The following GRID2 variants were observed in gnomAD, a reference collection of about 807,000 sequenced individuals.
GRID2 encodes glutamate receptor ionotropic, delta-2.
Under a neutral mutation model 114.8 loss-of-function variants are expected in GRID2, and 33 were observed. The ratio of observed to expected loss-of-function variants is 0.29; its 90% CI spans 0.22 to 0.38. The LOEUF (loss-of-function observed/expected upper bound fraction) is 0.38, where lower values mean the gene tolerates loss of function less well. GRID2 is among the 10% of genes least tolerant of loss of function. GRID2 has a pLI of 1.00. For synonymous variants in GRID2, 505 were observed against 449.9 expected, an observed-to-expected ratio of 1.12 and a Z score of -1.55; for missense variants, 1,184 against 1,257.7, an observed-to-expected ratio of 0.94 and a Z score of 0.89.
chr4:92,441,704 G>A (rs1307142914), intron 1 of GRID2, among the ~76,000 whole-genome samples: 1 of 151,378 alleles, frequency 6.6e-6, no homozygotes, highest in East Asian at 2.0e-4. Flanking sequence ...GCTGAGGGAT[G>A]GGATATTGGC....
At chr4:93,483,235 C>T (rs1478502777) in intron 11 of GRID2, among the ~76,000 whole-genome samples, 1 of 151,954 alleles carries the variant, frequency 6.6e-6, no homozygotes, top group Non-Finnish European at 1.5e-5. Context: ...GATCAGCTTA[C>T]ATGAACTATT....
intron 8 of GRID2, among the ~76,000 whole-genome samples, chr4:93,253,491 C>A (rs1416952796): frequency 6.6e-6 from 1 of 151,904 alleles, no homozygotes; most frequent in Admixed American, 6.6e-5. Context: ...AAATAATGTA[C>A]AGTTAAAGAT....
chr4:93,061,480 A>G (rs1365853713), intron 2 of GRID2, among the ~76,000 whole-genome samples: 1 of 152,076 alleles, frequency 6.6e-6, no homozygotes, highest in Non-Finnish European at 1.5e-5. Flanking sequence ...TGGATAGAAA[A>G]ATAAACTCCA....
At chr4:92,497,740 C>T (rs1019557281) in intron 1 of GRID2, among the ~76,000 whole-genome samples, 1 of 151,866 alleles carries the variant, frequency 6.6e-6, no homozygotes, top group African/African-American at 2.4e-5. Context: ...TCCAGCTTTG[C>T]TTCCAGCACA....
At position 93,332,267 on chromosome 4, in the gene GRID2, C is replaced by CGT. The variant is rs1234388137; in HGVS notation, c.1246-63308_1246-63307dup. Among the ~76,000 whole-genome samples, 482 of 133,984 alleles carry CGT rather than the reference C, an allele frequency of 3.6e-3. 5 individuals are homozygous for CGT. The highest frequency in any genetic ancestry group is 4.9e-3 in the East Asian group (22 of 4,534). 87.9% of individuals were successfully genotyped at this position (133,984 alleles called of 152,430 possible). ...CAGAAAAAGAGTGTGTGTGTGTGTGCGTGTGTGTGTGTGTGTGTGTGTGTG... is the reference window on the plus strand; with the variant it reads ...CAGAAAAAGAGTGTGTGTGTGTGTGCGTGTGTGTGTGTGTGTGTGTGTGTGTG... On this transcript the variant is annotated intron_variant, in intron 8 of 15. Transcript: ENST00000282020.
At chr4:92,704,056 C>G (rs1221351629) in intron 2 of GRID2, among the ~76,000 whole-genome samples, 1 of 152,074 alleles carries the variant, frequency 6.6e-6, no homozygotes, top group Non-Finnish European at 1.5e-5. Context: ...GCGGATAGAT[C>G]ACGAGGTCAG....
chr4:93,417,151 C>T (rs1228450014), intron 9 of GRID2, among the ~76,000 whole-genome samples: 1 of 152,088 alleles, frequency 6.6e-6, no homozygotes, highest in African/African-American at 2.4e-5. Context: ...TAAAGGAAGA[C>T]TCAAAGCCAT....
At chr4:93,289,224 C>T (rs1753488147) in intron 8 of GRID2, among the ~76,000 whole-genome samples, 1 of 152,096 alleles carries the variant, frequency 6.6e-6, no homozygotes, top group Non-Finnish European at 1.5e-5. Flanking sequence ...TGAATGAGAA[C>T]ATAATCAACC....
chr4:92,590,411 C>T, intron 2 of GRID2, 125 bp downstream of exon 2: 1 of 640,188 alleles, frequency 1.6e-6, no homozygotes, highest in South Asian at 2.4e-5. Context: ...GCATTATTTT[C>T]CTTGGAGATC....
chr4:92,379,568 G>A (rs1025284625), intron 1 of GRID2, among the ~76,000 whole-genome samples: 4 of 151,810 alleles, frequency 2.6e-5, no homozygotes, highest in African/African-American at 7.3e-5. Flanking sequence ...GATATATGGC[G>A]GGGTTGAACA....
At chr4:92,904,321 C>T (rs574789704) in intron 2 of GRID2, among the ~76,000 whole-genome samples, 2 of 149,484 alleles carry the variant, frequency 1.3e-5, no homozygotes, top group South Asian at 2.1e-4. Flanking sequence ...ATTTTAATAC[C>T]TTATATAAAT....
chr4:92,729,994 AAT>A (rs766669535), intron 2 of GRID2, among the ~76,000 whole-genome samples: 6 of 151,990 alleles, frequency 3.9e-5, no homozygotes, highest in Non-Finnish European at 7.4e-5. Flanking sequence ...GAGGAATTAT[AAT>A]ATGTGTTATC....
chr4:92,564,253 C>T (rs956781349), intron 1 of GRID2, among the ~76,000 whole-genome samples: 1 of 151,882 alleles, frequency 6.6e-6, no homozygotes, highest in East Asian at 1.9e-4. Flanking sequence ...ATAAGGCTAA[C>T]TTATTTAGAC....
intron 14 of GRID2, among the ~76,000 whole-genome samples, chr4:93,741,995 C>T (rs1288073848): frequency 6.6e-6 from 1 of 150,580 alleles, no homozygotes; most frequent in African/African-American, 2.4e-5. Context: ...ACACATTGAA[C>T]CACTAACTAT....
At position 93,276,887 on chromosome 4, in the gene GRID2, A is replaced by G. The variant is rs185215054; in HGVS notation, c.1245+38397A>G. Among the ~76,000 whole-genome samples the G allele has an allele frequency of 2.0e-5, 3 of 152,098 alleles. No homozygotes were observed. In the East Asian group the frequency reaches 5.8e-4, roughly 29 times the overall value. ...AAGCTTTATTTCTTTATTAAAGCTT[A>G]TAATAATTTCTTTAAGCAGAGGAAG... On this transcript the variant is annotated intron_variant, in intron 8 of 15. Transcript: ENST00000282020.
At chr4:92,313,433 T>C (rs982903726) in intron 1 of GRID2, among the ~76,000 whole-genome samples, 5 of 151,828 alleles carry the variant, frequency 3.3e-5, no homozygotes, top group African/African-American at 9.7e-5. Context: ...AACTTACTTA[T>C]GTAACCAAAT....
chr4:92,969,222 G>A (rs1753341953), intron 2 of GRID2, among the ~76,000 whole-genome samples: 1 of 151,400 alleles, frequency 6.6e-6, no homozygotes, highest in Non-Finnish European at 1.5e-5. Flanking sequence ...GATAGAGATG[G>A]ATGTAAAGTG....
intron 2 of GRID2, among the ~76,000 whole-genome samples, chr4:92,620,872 A>G (rs1730238010): frequency 6.6e-6 from 1 of 151,296 alleles, no homozygotes; most frequent in Non-Finnish European, 1.5e-5. Context: ...CAGCATACCA[A>G]CATGACACAT....
chr4:92,909,454 C>A (rs1267356685), intron 2 of GRID2, among the ~76,000 whole-genome samples: 2 of 151,854 alleles, frequency 1.3e-5, no homozygotes, highest in Non-Finnish European at 2.9e-5. Context: ...TAATATATAT[C>A]TTCTAAAATA....
Sources: gnomAD v4.1 joint callset for allele counts (sites outside exome capture counted in the v4.1 genomes callset) on GRCh38, gnomAD v4.1.1 for gene constraint, MANE v1.5 for transcripts, NCBI Gene and HGNC (gene_info 2026-07-23, HGNC 2026-07-21) for gene names.